Variants in LRP1B observed in about 807,000 individuals in gnomAD.
LRP1B encodes LDL receptor related protein 1B.
In LRP1B, 217 loss-of-function variants were observed where a neutral mutation model predicts 556.6. The ratio of observed to expected loss-of-function variants is 0.39; its 90% CI spans 0.35 to 0.44. The LOEUF (loss-of-function observed/expected upper bound fraction) is 0.44, where lower values mean the gene tolerates loss of function less well. Among genes scored for constraint, LRP1B ranks in the 20% least tolerant of loss-of-function variants. The probability of loss-of-function intolerance (pLI) is 1.00; values close to 1 mark genes in which losing one functional copy is unlikely to be tolerated. For synonymous variants in LRP1B, 2,047 were observed against 1,865.8 expected (o/e 1.10, Z -2.50); for missense variants, 5,053 against 5,620.8 (o/e 0.90, Z 3.23).
At chr2:141,543,518 CAA>C (rs377085694) in intron 2 of LRP1B, among the ~76,000 whole-genome samples, 4 of 91,256 alleles carry the variant, frequency 4.4e-5, no homozygotes, top group African/African-American at 4.5e-5. Context: ...GACCCTGTCT[CAA>C]AAAAAAAAAA....
chr2:142,102,046 G>A (rs900883069), intron 1 of LRP1B, among the ~76,000 whole-genome samples: 1 of 151,900 alleles, frequency 6.6e-6, no homozygotes, highest in African/African-American at 2.4e-5. Flanking sequence ...AAGTATTAAT[G>A]TAGTCTCTCT....
In LRP1B at chr2:140,683,630, C is replaced by T. The variant is rs1417482452; in HGVS notation, c.6799+16620G>A. On this transcript the variant is annotated intron_variant, in intron 41 of 90. Coordinates refer to ENST00000389484, the MANE Select transcript of LRP1B (RefSeq NM_018557.3). ...GACAGTTTGTCCCTTCTCTCAGCTC[C>T]CAGGTATTCCATCCGAGTCCTCCGC... 4 of 697,056 alleles carry T rather than the reference C, an allele frequency of 5.7e-6. No individual in the cohort carries two copies. The African/African-American group carries it at 7.1e-5, about 12-fold the overall frequency. The allele number at this position is 697,056 out of a possible 1,614,324, so 43.2% of individuals were successfully genotyped here. A position where few individuals can be genotyped will look rare whatever the true frequency, so the allele number is the denominator to read the frequency against.
intron 52 of LRP1B, among the ~76,000 whole-genome samples, chr2:140,507,566 C>T (rs1428126974): frequency 6.6e-6 from 1 of 151,890 alleles, no homozygotes; most frequent in Non-Finnish European, 1.5e-5. Context: ...AGCAATGTTC[C>T]AACAAGTGGA....
At chr2:140,636,175 C>A (rs541488703) in intron 41 of LRP1B, among the ~76,000 whole-genome samples, 1 of 152,166 alleles carries the variant, frequency 6.6e-6, no homozygotes, top group Non-Finnish European at 1.5e-5. Flanking sequence ...AATAGTCTTT[C>A]ACAATTAAGA....
Position 140,420,094 on chromosome 2 carries a change from G to A in LRP1B, c.10414+22410C>T, listed in dbSNP as rs189469321. The stretch of plus-strand genomic sequence containing the variant: ...AAAAACACAACATATGAAAATATAT[G>A]AGCCGATGCTAAAGCAGTATTTAGC... On this transcript the variant is annotated intron_variant, in intron 66 of 90. Transcript: ENST00000389484. 3.3e-5 allele frequency among the ~76,000 whole-genome samples: 5 copies of A among 150,476 alleles called. No homozygotes were observed. The East Asian group carries it at 9.8e-4, about 29-fold the overall frequency.
chr2:140,451,252 C>T (rs1042205199), intron 62 of LRP1B, among the ~76,000 whole-genome samples: 8 of 152,130 alleles, frequency 5.3e-5, no homozygotes, highest in African/African-American at 1.9e-4. Context: ...CCCTAAAGGG[C>T]TACTTGTACA....
intron 1 of LRP1B, among the ~76,000 whole-genome samples, chr2:142,095,321 T>A (rs996711099): frequency 6.6e-6 from 1 of 151,670 alleles, no homozygotes; most frequent in Non-Finnish European, 1.5e-5. Context: ...AATAAGAACC[T>A]GTGATATGCT....
At chr2:141,310,033 G>A (rs1313437739) in intron 3 of LRP1B, among the ~76,000 whole-genome samples, 1 of 152,212 alleles carries the variant, frequency 6.6e-6, no homozygotes, top group African/African-American at 2.4e-5. Context: ...GCAGCCTTGA[G>A]GGACTAAGGC....
intron 7 of LRP1B, among the ~76,000 whole-genome samples, chr2:141,122,316 C>G (rs958915827): frequency 2.6e-5 from 4 of 151,818 alleles, no homozygotes; most frequent in African/African-American, 9.7e-5. Flanking sequence ...GAACAGGCAA[C>G]CTACAGAATG....
At chr2:141,085,739 T>C (rs772181763) in intron 7 of LRP1B, among the ~76,000 whole-genome samples, 1 of 152,230 alleles carries the variant, frequency 6.6e-6, no homozygotes, top group Non-Finnish European at 1.5e-5. Flanking sequence ...AATCTTAATA[T>C]GGATACAATA....
At chr2:142,094,219 T>A (rs1706276594) in intron 1 of LRP1B, among the ~76,000 whole-genome samples, 1 of 152,120 alleles carries the variant, frequency 6.6e-6, no homozygotes. Flanking sequence ...GTATGGATTC[T>A]GGGTATCACA....
chr2:141,124,192 T>C (rs1321931475), intron 7 of LRP1B, among the ~76,000 whole-genome samples: 1 of 152,078 alleles, frequency 6.6e-6, no homozygotes, highest in African/African-American at 2.4e-5. Context: ...GAATTGATAG[T>C]GAAATAAAGT....
intron 7 of LRP1B, among the ~76,000 whole-genome samples, chr2:141,124,649 G>T: frequency 7.7e-6 from 1 of 129,230 alleles, no homozygotes; most frequent in Admixed American, 8.4e-5. Flanking sequence ...TCATTGAAGA[G>T]ATGGAGTGAC....
chr2:140,415,265 G>A (rs1048181346), intron 66 of LRP1B, among the ~76,000 whole-genome samples: 2 of 149,870 alleles, frequency 1.3e-5, no homozygotes, highest in Admixed American at 1.3e-4. Flanking sequence ...TGTGATCTTT[G>A]TTGGACCCTT....
chr2:141,461,366 G>A (rs186255463), intron 3 of LRP1B, among the ~76,000 whole-genome samples: 2 of 152,226 alleles, frequency 1.3e-5, no homozygotes, highest in Admixed American at 6.6e-5. Flanking sequence ...TTGACAAGGC[G>A]GCTTCAGTGG....
chr2:141,312,814 G>A (rs1686864549), intron 3 of LRP1B, among the ~76,000 whole-genome samples: 1 of 151,836 alleles, frequency 6.6e-6, no homozygotes, highest in South Asian at 2.1e-4. Flanking sequence ...TCAGCCTCCT[G>A]AGTAGCTGAG....
At chr2:141,260,501 C>CAAAG (rs35510574) in intron 3 of LRP1B, among the ~76,000 whole-genome samples, 1 of 128 alleles carries the variant, frequency 7.8e-3, no homozygotes, top group African/African-American at 0.038. Flanking sequence ...TAGAAGTTGG[C>CAAAG]AGTTTCCAAA....
At chr2:141,466,994 C>G (rs1488168288) in intron 3 of LRP1B, among the ~76,000 whole-genome samples, 1 of 144,028 alleles carries the variant, frequency 6.9e-6, no homozygotes, top group Admixed American at 7.1e-5. Context: ...TCCCCAGGAA[C>G]TATCCTTTAT....
chr2:140,233,190 G>T lies in LRP1B; in HGVS notation c.13796C>A (p.Ala4599Glu). 1.3e-6 allele frequency: 2 copies of T among 1,586,300 alleles called. No individual in the cohort carries two copies. Among genetic ancestry groups the T allele is most frequent in the South Asian group, 2.2e-5 (2 of 89,278 alleles). The stretch of plus-strand genomic sequence containing the variant: ...GCATATAAAAGATATCACTGATTAT[G>T]CCACTGTCTCTCTTATACCAATTTC... ...KIEIGIRETV[A>E] Residue 4599 changes from alanine to glutamate, a missense_variant, in exon 91 of 91, where the codon GCA becomes GAA. Transcript: ENST00000389484.
Sources: allele counts gnomAD v4.1 joint callset (sites outside exome capture counted in the v4.1 genomes callset), GRCh38; gene constraint gnomAD v4.1.1; transcripts MANE v1.5; gene names NCBI Gene and HGNC (gene_info 2026-07-23, HGNC 2026-07-21).